COPB1: variants seen among roughly 807,000 people sequenced by gnomAD.
COPB1 encodes coatomer subunit beta.
Under a neutral mutation model 108.7 loss-of-function variants are expected in COPB1, and 21 were observed. The ratio of observed to expected loss-of-function variants is 0.19; its 90% confidence interval spans 0.14 to 0.28. COPB1 has a LOEUF of 0.28. COPB1 is among the 10% of genes least tolerant of loss of function. The pLI is 1.00. For missense variants in COPB1, 919 were observed against 1,141.3 expected, an observed-to-expected ratio of 0.81 and a Z score of 2.81; for synonymous variants, 378 against 386.8, an observed-to-expected ratio of 0.98 and a Z score of 0.27.
At chr11:14,461,790 T>C (rs998474133) in intron 18 of COPB1, among the ~76,000 whole-genome samples, 7 of 152,200 alleles carry the variant, frequency 4.6e-5, no homozygotes, top group Non-Finnish European at 1.0e-4. Flanking sequence ...CCCATACTAC[T>C]TAATGATACA....
At position 14,484,660 on chromosome 11, in the gene COPB1, G is replaced by T. The variant is rs185411708; in HGVS notation, c.838-1509C>A. 4.8e-3 allele frequency among the ~76,000 whole-genome samples: 734 copies of T among 152,328 alleles called. 5 individuals are homozygous for T. Among genetic ancestry groups the T allele is most frequent in the Non-Finnish European group, 7.8e-3 (534 of 68,026 alleles). On this transcript the variant is annotated intron_variant, in intron 7 of 21. Coordinates refer to ENST00000439561, the MANE Select transcript of COPB1 (RefSeq NM_001144061.2). ...TTGAATCTGGGAGGCGGAGGTTGCA[G>T]TGAGCCAAGATCCCACCAGTATCTT... is the stretch of plus-strand genomic sequence containing the variant.
At chr11:14,476,793 GA>G in intron 12 of COPB1, 125 bp downstream of exon 12, 1 of 263,652 alleles carries the variant, frequency 3.8e-6, no homozygotes, top group South Asian at 5.6e-5. Context: ...AATAAACACA[GA>G]ACATTTTGTT....
chr11:14,459,606 A>G (rs1850101469), intron 20 of COPB1, among the ~76,000 whole-genome samples: 1 of 152,184 alleles, frequency 6.6e-6, no homozygotes, highest in South Asian at 2.1e-4. Context: ...ATCCAGTATT[A>G]CAAATAAACG....
At chr11:14,493,954 T>C in intron 3 of COPB1, 143 bp from the exon 4 acceptor site, 1 of 800,860 alleles carries the variant, frequency 1.2e-6, no homozygotes, top group Non-Finnish European at 1.9e-6. Context: ...TCTTGTTGAC[T>C]GAAGCAATTT....
chr11:14,465,938 ATACT>A (rs1018453817), intron 17 of COPB1, among the ~76,000 whole-genome samples: 1 of 152,344 alleles, frequency 6.6e-6, no homozygotes, highest in African/African-American at 2.4e-5. Context: ...CATTCAGAAA[ATACT>A]TAGTTCTGTA....
chr11:14,461,068 A>C (rs1850137510), intron 19 of COPB1, 118 bp downstream of exon 19: 3 of 1,246,606 alleles, frequency 2.4e-6, no homozygotes, highest in African/African-American at 3.0e-5. Context: ...ATACTGAAAG[A>C]CTATTTGCTT....
intron 21 of COPB1, 88 bp downstream of exon 21, chr11:14,458,444 A>AAGAT: frequency 7.7e-7 from 1 of 1,299,512 alleles, no homozygotes; most frequent in Non-Finnish European, 1.1e-6. Context: ...TAATGCTAAA[A>AAGAT]AGATACTACA....
chr11:14,476,672 T>G (rs1050089242), intron 12 of COPB1, among the ~76,000 whole-genome samples: 1 of 152,148 alleles, frequency 6.6e-6, no homozygotes, highest in African/African-American at 2.4e-5. Flanking sequence ...ACTGTCAGTT[T>G]TACTGCATAA....
intron 4 of COPB1, among the ~76,000 whole-genome samples, chr11:14,492,807 G>C (rs2134127223): frequency 6.6e-6 from 1 of 152,238 alleles, no homozygotes; most frequent in East Asian, 1.9e-4. Flanking sequence ...TGTAAAAACT[G>C]AGCATTCTAG....
intron 4 of COPB1, among the ~76,000 whole-genome samples, chr11:14,491,139 A>AG (rs1052637610): frequency 6.6e-5 from 10 of 151,672 alleles, no homozygotes; most frequent in Non-Finnish European, 1.5e-4. Context: ...TCCGCCTTCT[A>AG]GGTCGAGTGA....
chr11:14,491,046 C>T (rs1157909072), intron 4 of COPB1, among the ~76,000 whole-genome samples: 1 of 151,812 alleles, frequency 6.6e-6, no homozygotes, highest in Non-Finnish European at 1.5e-5. Flanking sequence ...ACCTTGGCCT[C>T]CAAAGTGCTG....
At chr11:14,491,256 C>T (rs1262509327) in intron 4 of COPB1, among the ~76,000 whole-genome samples, 1 of 152,118 alleles carries the variant, frequency 6.6e-6, no homozygotes, top group Non-Finnish European at 1.5e-5. Context: ...CCACGTTGGC[C>T]AGGCTTGTCT....
chr11:14,490,079 A>G (rs1049466094), intron 5 of COPB1, among the ~76,000 whole-genome samples: 1 of 152,180 alleles, frequency 6.6e-6, no homozygotes, highest in African/African-American at 2.4e-5. Context: ...TGTACAGAGT[A>G]ATTGCTAACC....
At chr11:14,485,123 T>C (rs1850742370) in intron 7 of COPB1, among the ~76,000 whole-genome samples, 1 of 152,130 alleles carries the variant, frequency 6.6e-6, no homozygotes. Context: ...GCCTCAGCCT[T>C]CAGAATAGCT....
intron 1 of COPB1, 125 bp downstream of exon 1, chr11:14,499,582 G>GCGCCCCCACCCCC (rs1851108629): frequency 9.0e-6 from 1 of 110,664 alleles, no homozygotes; most frequent in Non-Finnish European, 1.9e-5. Context: ...CCCCCACCCC[G>GCGCCCCCACCCCC]ACCCGCACCC....
chr11:14,491,779 T>C (rs1212482446), intron 4 of COPB1, among the ~76,000 whole-genome samples: 1 of 152,224 alleles, frequency 6.6e-6, no homozygotes, highest in Non-Finnish European at 1.5e-5. Context: ...AGCTGATTTA[T>C]TCAACACACC....
Position 14,458,516 on chromosome 11 carries a change from A to G in COPB1, c.2802+16T>C. 1 of 1,596,620 alleles carries G rather than the reference A, an allele frequency of 6.3e-7. No homozygotes were observed. ...TGTCAGTCCAGAGATACTCTCAAAA[A>G]AAAAGGAACTGTTACCTGGCTCTTT... On this transcript the variant is annotated intron_variant, in intron 21 of 21. Coordinates refer to ENST00000439561, the MANE Select transcript of COPB1 (RefSeq NM_001144061.2).
Position 14,457,832 on chromosome 11 carries a change from T to G in COPB1, c.2854A>C (p.Ser952Arg). ...DKINLSQKKT[S>R]I Reference sequence around the variant, plus strand: ...GGACTTTTTGTTTATTTTTATATACTAGTTTTCTTCTGTGACAAGTTGATT... The same window carrying G: ...GGACTTTTTGTTTATTTTTATATACGAGTTTTCTTCTGTGACAAGTTGATT... The change falls in exon 22 of 22, where the codon AGT (serine) becomes CGT (arginine). Residue 952 changes from serine (S) to arginine (R), a missense_variant. This residue lies in a region of COPB1 where 705 missense variants were observed against 817.8 expected (regional missense o/e 0.86). Transcript: ENST00000439561. The G allele has an allele frequency of 1.3e-6, 2 of 1,587,960 alleles. No individual in the cohort carries two copies. The highest frequency in any genetic ancestry group is 1.7e-6 in the Non-Finnish European group (2 of 1,159,016).
intron 2 of COPB1, among the ~76,000 whole-genome samples, chr11:14,497,732 T>C (rs1465256041): frequency 1.3e-5 from 2 of 152,196 alleles, no homozygotes; most frequent in Admixed American, 6.5e-5. Context: ...CAAAGAGATA[T>C]CTGGACTCCT....
Sources: gnomAD v4.1 joint callset for allele counts (sites outside exome capture counted in the v4.1 genomes callset) on GRCh38, gnomAD v4.1.1 for gene constraint, gnomAD v4.1.1 regional missense constraint, MANE v1.5 for transcripts, NCBI Gene and HGNC (gene_info 2026-07-23, HGNC 2026-07-21) for gene names.